The following ZNF343 variants were observed in gnomAD, a reference collection of about 807,000 sequenced individuals.
ZNF343 encodes zinc finger protein 343.
ZNF343 carries 11 observed loss-of-function variants against 13.8 expected under a neutral mutation model. The observed-to-expected ratio is 0.80, with a 90% confidence interval of 0.50 to 1.32. ZNF343 has a LOEUF of 1.32. Among genes scored for constraint, ZNF343 ranks in the 40% most tolerant of loss-of-function variants. The pLI is 0.00. For missense variants in ZNF343, 658 were observed against 714.2 expected, an observed-to-expected ratio of 0.92 and a Z score of 0.90; for synonymous variants, 248 against 260.0, an observed-to-expected ratio of 0.95 and a Z score of 0.44.
At chr20:2,500,954 AAGTGGGTGCAGGAC>A (rs1233433689) in intron 1 of ZNF343, among the ~76,000 whole-genome samples, 2 of 152,170 alleles carry the variant, frequency 1.3e-5, no homozygotes, top group Non-Finnish European at 2.9e-5. Context: ...GAGTGTCAGA[AAGTGGGTGCAGGAC>A]AGTGGGTGCA....
chr20:2,518,960 CCT>C lies in ZNF343; in HGVS notation c.-347+5493_-347+5494del, dbSNP rs1311671751. Among the ~76,000 whole-genome samples the C allele has an allele frequency of 2.0e-5, 3 of 152,166 alleles. No homozygotes were observed. Among genetic ancestry groups the C allele is most frequent in the African/African-American group, 7.2e-5 (3 of 41,424 alleles). ...AAAGTGTTTGGCAGTTCCCTGCCCC[CCT>C]CTCTCTTTCCTGCCATCGTGTAAGA... On this transcript the variant is annotated intron_variant, in intron 1 of 6. Coordinates refer to the ZNF343 transcript ENST00000358413. The surrounding 1 kb of genome is among the most constrained non-coding windows in gnomAD (Gnocchi z 4.6).
chr20:2,510,848 A>G (rs1458234940), upstream of ZNF343, among the ~76,000 whole-genome samples: 1 of 152,230 alleles, frequency 6.6e-6, no homozygotes, highest in African/African-American at 2.4e-5. Flanking sequence ...AGGGGTTTGT[A>G]TAGCAGGGAA....
Position 2,519,522 on chromosome 20 carries a change from G to C in ZNF343, c.-347+4933C>G, listed in dbSNP as rs147696890. On this transcript the variant is annotated intron_variant, in intron 1 of 6. Transcript: ENST00000358413. ...GAACTGCACCATTGGCTCCCCTGGG[G>C]CTCCAGCCTGCCAGCCTCCATAATT... is the stretch of plus-strand genomic sequence containing the variant. 6.6e-5 allele frequency among the ~76,000 whole-genome samples: 10 copies of C among 152,306 alleles called. No homozygotes were observed. In the East Asian group the frequency reaches 1.9e-3, roughly 29 times the overall value.
At chr20:2,484,973 G>C (rs919839375) in intron 5 of ZNF343, among the ~76,000 whole-genome samples, 4 of 152,000 alleles carry the variant, frequency 2.6e-5, no homozygotes, top group African/African-American at 9.7e-5. Flanking sequence ...ACAGCTCTTT[G>C]TTCTGCTTGG....
chr20:2,509,644 G>T (rs886554380), upstream of ZNF343, among the ~76,000 whole-genome samples: 2 of 152,150 alleles, frequency 1.3e-5, no homozygotes, highest in African/African-American at 4.8e-5. Flanking sequence ...CTGAGGCTGA[G>T]GCTGGAGGAT....
At chr20:2,522,295 T>TTTA (rs2085786078) in intron 1 of ZNF343, among the ~76,000 whole-genome samples, 1 of 152,236 alleles carries the variant, frequency 6.6e-6, no homozygotes, top group Non-Finnish European at 1.5e-5. Flanking sequence ...TTCTAACTCA[T>TTTA]TTTATTTAGT....
At chr20:2,500,197 G>T (rs867975170) in intron 2 of ZNF343, among the ~76,000 whole-genome samples, 4 of 152,026 alleles carry the variant, frequency 2.6e-5, no homozygotes, top group African/African-American at 9.7e-5. Flanking sequence ...TACCCAACCC[G>T]GTCATATTAC....
At chr20:2,509,138 C>T (rs1055330310), upstream of ZNF343, 1 of 152,234 alleles carries the variant, frequency 6.6e-6, no homozygotes, top group African/African-American at 2.4e-5. Flanking sequence ...ACTACACTCC[C>T]CACAAGCCTC....
intron 5 of ZNF343, among the ~76,000 whole-genome samples, chr20:2,488,962 C>A (rs6114516): frequency 6.6e-6 from 1 of 152,150 alleles, no homozygotes; most frequent in Non-Finnish European, 1.5e-5. Context: ...GGAGAATCAC[C>A]TGAGCCCAGG....
chr20:2,506,015 G>A (rs1330441978), intron 1 of ZNF343, among the ~76,000 whole-genome samples: 3 of 152,098 alleles, frequency 2.0e-5, no homozygotes. Context: ...AACCTATACA[G>A]AATGGGAGAA....
intron 2 of ZNF343, chr20:2,495,619 G>A (rs1600055532): frequency 6.6e-6 from 1 of 151,934 alleles, no homozygotes; most frequent in East Asian, 1.9e-4. Flanking sequence ...AGTAACACTA[G>A]TATCTGTAGC....
At position 2,484,655 on chromosome 20, in the gene ZNF343, T is replaced by G. The variant is rs147660623; in HGVS notation, c.306A>C (p.Ala102=). 5.7e-6 allele frequency: 9 copies of G among 1,578,268 alleles called. No individual in the cohort carries two copies. The African/African-American group carries it at 1.2e-4, about 22-fold the overall frequency. The part of the protein sequence containing the change: ...LENYRNLLSL[A]EPKPEIYTCS... ...AAGTGTAGATTTCTGGCTTTGGTTCTGCTGAAGAATGAAAGTTTTCTGTTA... is the reference window on the plus strand; with the variant it reads ...AAGTGTAGATTTCTGGCTTTGGTTCGGCTGAAGAATGAAAGTTTTCTGTTA... Residue 102 remains alanine, a splice_region_variant and synonymous_variant, in exon 6 of 6, where the codon GCA becomes GCC. Transcript: ENST00000278772.
At chr20:2,510,228 A>G (rs2085730395), upstream of ZNF343, among the ~76,000 whole-genome samples, 1 of 152,224 alleles carries the variant, frequency 6.6e-6, no homozygotes. Context: ...ATCCTCTTAC[A>G]AGGGGGCAAA....
intron 1 of ZNF343, among the ~76,000 whole-genome samples, chr20:2,516,264 G>A (rs2085759206): frequency 6.6e-6 from 1 of 152,150 alleles, no homozygotes; most frequent in Admixed American, 6.6e-5. Context: ...TCAGGAGGCT[G>A]AGGATTGCTT....
At chr20:2,486,710 G>A (rs1472002193) in intron 5 of ZNF343, 1 of 151,778 alleles carries the variant, frequency 6.6e-6, no homozygotes, top group Non-Finnish European at 1.5e-5. Context: ...AGGTTGTGGT[G>A]AGCCGAGATT....
chr20:2,511,093 A>G (rs1326714623), upstream of ZNF343, among the ~76,000 whole-genome samples: 1 of 149,674 alleles, frequency 6.7e-6, no homozygotes, highest in Non-Finnish European at 1.5e-5. Flanking sequence ...GGGGGAATCC[A>G]TTTCTTTTCT....
chr20:2,507,357 T>C (rs1312372571), intron 1 of ZNF343, among the ~76,000 whole-genome samples: 1 of 151,984 alleles, frequency 6.6e-6, no homozygotes, highest in Non-Finnish European at 1.5e-5. Flanking sequence ...AAACAGCTTC[T>C]AGGGGACAGA....
chr20:2,503,353 A>G (rs12624988), intron 1 of ZNF343, among the ~76,000 whole-genome samples: 32,975 of 152,064 alleles, frequency 0.22, 3,790 homozygotes, highest in South Asian at 0.32. Flanking sequence ...CCCACACAAT[A>G]ATAATGGGAG....
chr20:2,496,937 G>A (rs949759603), intron 2 of ZNF343, among the ~76,000 whole-genome samples: 6 of 152,074 alleles, frequency 3.9e-5, no homozygotes, highest in South Asian at 2.1e-4. Context: ...AAAATTAGCC[G>A]GGCATGGTGG....
Sources: allele counts gnomAD v4.1 joint callset (sites outside exome capture counted in the v4.1 genomes callset), GRCh38; gene constraint gnomAD v4.1.1; non-coding constraint Gnocchi (gnomAD v3.1); transcripts MANE v1.5; gene names NCBI Gene and HGNC (gene_info 2026-07-23, HGNC 2026-07-21).